The following GDF7 variants were observed in gnomAD, a reference collection of about 807,000 sequenced individuals.
GDF7 encodes growth/differentiation factor 7.
In GDF7, 12 loss-of-function variants were observed where a neutral mutation model predicts 13.4. That is an observed-to-expected ratio of 0.90 (90% CI 0.57 to 1.45). The LOEUF is 1.45. Ranked by LOEUF, GDF7 falls within the 40% of genes most tolerant of loss-of-function variation. The pLI is 0.00. For synonymous variants in GDF7, 330 were observed against 306.4 expected (o/e 1.08, Z -0.80); for missense variants, 651 against 652.4 (o/e 1.00, Z 0.02).
At position 20,671,134 on chromosome 2, in the gene GDF7, G is replaced by T; in HGVS notation, c.1062G>T (p.Leu354Phe). The T allele has an allele frequency of 1.9e-6, 3 of 1,611,682 alleles. No homozygotes were observed. Among genetic ancestry groups the T allele is most frequent in the Non-Finnish European group, 1.7e-6 (2 of 1,179,244 alleles). ...GGAGCCGCTGCAGCCGCAAGCCGTT[G>T]CACGTGGACTTCAAGGAGCTCGGCT... ...RGRSRCSRKPLHVDFKELGWD... is the reference protein window; with the variant it reads ...RGRSRCSRKPFHVDFKELGWD... The change falls in exon 2 of 2, where the codon TTG (leucine) becomes TTT (phenylalanine). Residue 354 changes from leucine (L) to phenylalanine (F), a missense_variant. This residue lies in a region of GDF7 where 101 missense variants were observed against 139.2 expected (regional missense o/e 0.73). Transcript: ENST00000272224.
chr2:20,667,299 C>T lies in GDF7; in HGVS notation c.60C>T (p.Arg20=), dbSNP rs1413728712. Residue 20 remains arginine (R), a synonymous_variant, in exon 1 of 2, where the codon CGC becomes CGT. Coordinates refer to ENST00000272224, the MANE Select transcript of GDF7 (RefSeq NM_182828.4). The surrounding 1 kb of genome is among the most constrained non-coding windows in gnomAD (Gnocchi z 6.4). The stretch of plus-strand genomic sequence containing the variant: ...GGCTGCTGAGCGCCTGCCGCCCCCG[C>T]GACGGGCTGGAAGCGGCCGCCGTGC... The part of the protein sequence containing the change: ...CLWLLSACRP[R]DGLEAAAVLR... 1 of 1,189,544 alleles carries T rather than the reference C, an allele frequency of 8.4e-7. No individual in the cohort carries two copies. Among genetic ancestry groups the T allele is most frequent in the Admixed American group, 3.8e-5 (1 of 26,056 alleles). 73.7% of individuals were successfully genotyped at this position (1,189,544 alleles called of 1,614,324 possible).
In GDF7 at chr2:20,674,020, C is replaced by G. The variant is rs1403671727; in HGVS notation, c.*2595C>G. Reference sequence around the variant, plus strand: ...TCCATTTCACTTGTAAAAATGACAACAAAGGGCCAACACATGTGGGGCAGA... The same window carrying G: ...TCCATTTCACTTGTAAAAATGACAAGAAAGGGCCAACACATGTGGGGCAGA... On this transcript the variant is annotated 3_prime_UTR_variant, in exon 2 of 2. Transcript: ENST00000272224. 6.6e-6 allele frequency: 1 copy of G among 152,266 alleles called. No homozygotes were observed. The highest frequency in any genetic ancestry group is 1.5e-5 in the Non-Finnish European group (1 of 68,064). 9.4% of individuals were successfully genotyped at this position (152,266 alleles called of 1,614,324 possible). A position where few individuals can be genotyped will look rare whatever the true frequency, so the allele number is the denominator to read the frequency against.
rs1662138262 is a variant in GDF7 at position 20,672,127 on chromosome 2, C to CCTTTTT, written c.*702_*703insCTTTTT. The CCTTTTT allele has an allele frequency of 8.9e-6, 1 of 112,448 alleles. No homozygotes were observed. The highest frequency in any genetic ancestry group is 3.5e-5 in the African/African-American group (1 of 28,188). 7.0% of individuals were successfully genotyped at this position (112,448 alleles called of 1,614,324 possible). A position where few individuals can be genotyped will look rare whatever the true frequency, so the allele number is the denominator to read the frequency against. On this transcript the variant is annotated 3_prime_UTR_variant, in exon 2 of 2. Transcript: ENST00000272224. ...CCGCCACCCCCCCCCCCCCCCCCGC[C>CCTTTTT]TTTTTTTTTTTTTTTTTTAATCAAT...
chr2:20,673,812 T>TG lies in GDF7; in HGVS notation c.*2390dup, dbSNP rs1251154142. 3 of 152,214 alleles carry TG rather than the reference T, an allele frequency of 2.0e-5. No homozygotes were observed. The highest frequency in any genetic ancestry group is 4.4e-5 in the Non-Finnish European group (3 of 68,066). 9.4% of individuals were successfully genotyped at this position (152,214 alleles called of 1,614,324 possible). A position where few individuals can be genotyped will look rare whatever the true frequency, so the allele number is the denominator to read the frequency against. Reference sequence around the variant, plus strand: ...CATCTTGAGTTCAGGTGGCACCCGGTGGGAGGGGTGTTGTCCTTGGACAGT... The same window carrying TG: ...CATCTTGAGTTCAGGTGGCACCCGGTGGGGAGGGGTGTTGTCCTTGGACAGT... On this transcript the variant is annotated 3_prime_UTR_variant, in exon 2 of 2. Coordinates refer to ENST00000272224, the MANE Select transcript of GDF7 (RefSeq NM_182828.4).
Position 20,676,314 on chromosome 2 carries a change from G to C in GDF7, c.*4889G>C, listed in dbSNP as rs1662221087. The stretch of plus-strand genomic sequence containing the variant: ...AAGTTAACATAAAGAAGCACCAGAA[G>C]GGAGGACCCAAAAAGATGTTTATTT... On this transcript the variant is annotated 3_prime_UTR_variant, in exon 2 of 2. Transcript: ENST00000272224. 6.6e-6 allele frequency: 1 copy of C among 152,254 alleles called. No individual in the cohort carries two copies. Among genetic ancestry groups the C allele is most frequent in the South Asian group, 2.1e-4 (1 of 4,834 alleles). 9.4% of individuals were successfully genotyped at this position (152,254 alleles called of 1,614,324 possible). A position where few individuals can be genotyped will look rare whatever the true frequency, so the allele number is the denominator to read the frequency against.
Position 20,672,089 on chromosome 2 carries a change from G to A in GDF7, c.*664G>A, listed in dbSNP as rs1662135649. ...CTGTTGTGGAGCTTCCCAGATTTCT[G>A]CAAAGGTCGGTACCGCCACCCCCCC... is the stretch of plus-strand genomic sequence containing the variant. On this transcript the variant is annotated 3_prime_UTR_variant, in exon 2 of 2. Transcript: ENST00000272224. 7.3e-6 allele frequency: 1 copy of A among 137,074 alleles called. No homozygotes were observed. Among genetic ancestry groups the A allele is most frequent in the Non-Finnish European group, 1.5e-5 (1 of 66,008 alleles). The allele number at this position is 137,074 out of a possible 1,614,324, so 8.5% of individuals were successfully genotyped here.
In GDF7 at chr2:20,677,752, C is replaced by T. The variant is rs1662256306; in HGVS notation, c.*6327C>T. 1 of 152,250 alleles carries T rather than the reference C, an allele frequency of 6.6e-6. No homozygotes were observed. Among genetic ancestry groups the T allele is most frequent in the African/African-American group, 2.4e-5 (1 of 41,458 alleles). The allele number at this position is 152,250 out of a possible 1,614,324, so 9.4% of individuals were successfully genotyped here. A position where few individuals can be genotyped will look rare whatever the true frequency, so the allele number is the denominator to read the frequency against. ...GGTGAGCTGGTGCAACTGCACACACCTTTTCTCTGGTTTTTAGTACTCACA... is the reference window on the plus strand; with the variant it reads ...GGTGAGCTGGTGCAACTGCACACACTTTTTCTCTGGTTTTTAGTACTCACA... On this transcript the variant is annotated 3_prime_UTR_variant, in exon 2 of 2. Transcript: ENST00000272224.
rs189473354 is a variant in GDF7, at chr2:20,672,404, A to G, written c.*979A>G. On this transcript the variant is annotated 3_prime_UTR_variant, in exon 2 of 2. Transcript: ENST00000272224. ...GACCTGCCAGGAGGTTTTCCTAAGAAGCCAGGGAAGAGGCTCTCAGGGCTT... is the reference window on the plus strand; with the variant it reads ...GACCTGCCAGGAGGTTTTCCTAAGAGGCCAGGGAAGAGGCTCTCAGGGCTT... The G allele has an allele frequency of 6.6e-6, 1 of 152,178 alleles. No individual in the cohort carries two copies. Among genetic ancestry groups the G allele is most frequent in the Admixed American group, 6.5e-5 (1 of 15,278 alleles). 9.4% of individuals were successfully genotyped at this position (152,178 alleles called of 1,614,324 possible).
At position 20,667,623 on chromosome 2, in the gene GDF7, G is replaced by C; in HGVS notation, c.384G>C (p.Ala128=). The C allele has an allele frequency of 6.7e-7, 1 of 1,497,218 alleles. No homozygotes were observed. The highest frequency in any genetic ancestry group is 8.9e-7 in the Non-Finnish European group (1 of 1,129,378). The allele number at this position is 1,497,218 out of a possible 1,614,324, so 92.7% of individuals were successfully genotyped here. A position where few individuals can be genotyped will look rare whatever the true frequency, so the allele number is the denominator to read the frequency against. The part of the protein sequence containing the change: ...ADTITGFTDQ[A]TQDESAAETG... ...CGATCACCGGCTTCACAGACCAGGC[G>C]ACCCAAGGTACTTACGCCTCTTCTG... is the stretch of plus-strand genomic sequence containing the variant. The change falls in exon 1 of 2, where the codon GCG becomes GCC. Residue 128 remains alanine, a synonymous_variant. Coordinates refer to ENST00000272224, the MANE Select transcript of GDF7 (RefSeq NM_182828.4). This position sits in a 1 kb window ranked among gnomAD's most constrained non-coding sequence, Gnocchi z 6.4.
intron 1 of GDF7, among the ~76,000 whole-genome samples, chr2:20,668,573 G>A (rs1463396674): frequency 6.6e-6 from 1 of 152,234 alleles, no homozygotes; most frequent in East Asian, 1.9e-4. Flanking sequence ...ATGGAGGGCA[G>A]GAGGGAAAGA....
rs764216230 is a variant in GDF7, at chr2:20,670,632, G to T, written c.560G>T (p.Gly187Val). 5.1e-6 allele frequency: 8 copies of T among 1,565,300 alleles called. No homozygotes were observed. The highest frequency in any genetic ancestry group is 6.9e-6 in the Non-Finnish European group (8 of 1,159,080). ...TTGCTGCTGCTGTCCACGTGCCCGG[G>T]CGCCGCCCGAGCGCCACGCCTGCTG... The part of the protein sequence containing the change: ...PPLLLLSTCP[G>V]AARAPRLLYS... The change falls in exon 2 of 2, where the codon GGC (glycine) becomes GTC (valine). Residue 187 changes from glycine (G) to valine (V), a missense_variant. Around this residue, in one of 4 missense-constraint regions of GDF7, gnomAD observed 487 missense variants for 445.9 expected, o/e 1.09. Transcript: ENST00000272224.
In GDF7 at chr2:20,671,594, C is replaced by A; in HGVS notation, c.*169C>A. 1.5e-6 allele frequency: 1 copy of A among 663,478 alleles called. No individual in the cohort carries two copies. The highest frequency in any genetic ancestry group is 2.5e-6 in the Non-Finnish European group (1 of 395,044). The allele number at this position is 663,478 out of a possible 1,614,324, so 41.1% of individuals were successfully genotyped here. A position where few individuals can be genotyped will look rare whatever the true frequency, so the allele number is the denominator to read the frequency against. ...ACACACACTCGTGCAGTCACGCACA[C>A]ATTTACCGGGGACAGCATGTGAAAG... is the stretch of plus-strand genomic sequence containing the variant. On this transcript the variant is annotated 3_prime_UTR_variant, in exon 2 of 2. Coordinates refer to ENST00000272224, the MANE Select transcript of GDF7 (RefSeq NM_182828.4).
In GDF7 at chr2:20,670,999, G is replaced by A. The variant is rs778838756; in HGVS notation, c.927G>A (p.Ser309=). 6 of 1,549,478 alleles carry A rather than the reference G, an allele frequency of 3.9e-6. No individual in the cohort carries two copies. The highest frequency in any genetic ancestry group is 5.0e-5 in the East Asian group (2 of 39,924). Residue 309 remains serine, a synonymous_variant, in exon 2 of 2, where the codon TCG becomes TCA. Coordinates refer to ENST00000272224, the MANE Select transcript of GDF7 (RefSeq NM_182828.4). ...PLPDPGTGTA[S]PRAVIGGRRR... ...CCGACCCAGGAACCGGCACCGCGTC[G>A]CCAAGGGCAGTCATTGGCGGCCGCA...
In GDF7 at chr2:20,677,827, T is replaced by C. The variant is rs1662258016; in HGVS notation, c.*6402T>C. ...GGGCTATGGGCAGCCCATGCCTGGA[T>C]TTTTTGGTGAATGAGTCTGAAAAGC... On this transcript the variant is annotated 3_prime_UTR_variant, in exon 2 of 2. Transcript: ENST00000272224. 2 of 152,272 alleles carry C rather than the reference T, an allele frequency of 1.3e-5. No individual in the cohort carries two copies. Among genetic ancestry groups the C allele is most frequent in the Non-Finnish European group, 2.9e-5 (2 of 68,080 alleles). 9.4% of individuals were successfully genotyped at this position (152,272 alleles called of 1,614,324 possible). A position where few individuals can be genotyped will look rare whatever the true frequency, so the allele number is the denominator to read the frequency against.
In GDF7 at chr2:20,675,515, C is replaced by A. The variant is rs1186909140; in HGVS notation, c.*4090C>A. Reference sequence around the variant, plus strand: ...GGACTGCGCCCGCCAGGGGAGGCCGCTCAGGGGCCAGGGCACCACAAGGCG... The same window carrying A: ...GGACTGCGCCCGCCAGGGGAGGCCGATCAGGGGCCAGGGCACCACAAGGCG... On this transcript the variant is annotated 3_prime_UTR_variant, in exon 2 of 2. Coordinates refer to ENST00000272224, the MANE Select transcript of GDF7 (RefSeq NM_182828.4). 3 of 152,226 alleles carry A rather than the reference C, an allele frequency of 2.0e-5. No individual in the cohort carries two copies. The highest frequency in any genetic ancestry group is 7.2e-5 in the African/African-American group (3 of 41,450). The allele number at this position is 152,226 out of a possible 1,614,324, so 9.4% of individuals were successfully genotyped here.
chr2:20,672,959 G>T lies in GDF7; in HGVS notation c.*1534G>T, dbSNP rs1482932351. ...TGGACTCCAGCTGTCCGGGGTGGGGGCTTCTTAGAACAGCCCCGCAGCCCT... is the reference window on the plus strand; with the variant it reads ...TGGACTCCAGCTGTCCGGGGTGGGGTCTTCTTAGAACAGCCCCGCAGCCCT... On this transcript the variant is annotated 3_prime_UTR_variant, in exon 2 of 2. Coordinates refer to ENST00000272224, the MANE Select transcript of GDF7 (RefSeq NM_182828.4). 6.6e-6 allele frequency: 1 copy of T among 152,146 alleles called. No homozygotes were observed. Among genetic ancestry groups the T allele is most frequent in the African/African-American group, 2.4e-5 (1 of 41,428 alleles). The allele number at this position is 152,146 out of a possible 1,614,324, so 9.4% of individuals were successfully genotyped here.
At position 20,671,053 on chromosome 2, in the gene GDF7, G is replaced by A; in HGVS notation, c.981G>A (p.Thr327=). The A allele has an allele frequency of 6.7e-7, 1 of 1,503,016 alleles. No individual in the cohort carries two copies. The allele number at this position is 1,503,016 out of a possible 1,614,324, so 93.1% of individuals were successfully genotyped here. A position where few individuals can be genotyped will look rare whatever the true frequency, so the allele number is the denominator to read the frequency against. ...GGAGGAGGACGGCGTTGGCCGGGACGCGGACAGCGCAGGGCAGCGGCGGGG... is the reference window on the plus strand; with the variant it reads ...GGAGGAGGACGGCGTTGGCCGGGACACGGACAGCGCAGGGCAGCGGCGGGG... ...RRRRRTALAG[T]RTAQGSGGGA... is the part of the protein sequence containing the mutation. Residue 327 remains threonine, a synonymous_variant, in exon 2 of 2, where the codon ACG becomes ACA. Coordinates refer to ENST00000272224, the MANE Select transcript of GDF7 (RefSeq NM_182828.4).
At position 20,670,471 on chromosome 2, in the gene GDF7, G is replaced by T. The variant is rs1013055882; in HGVS notation, c.399G>T (p.Ser133=). The change falls in exon 2 of 2, where the codon TCG becomes TCT. Residue 133 remains serine, a synonymous_variant. Transcript: ENST00000272224. ...GFTDQATQDE[S]AAETGQSFLF... Reference sequence around the variant, plus strand: ...CCTGCCGGTCCCCCGCAGACGAATCGGCAGCCGAAACAGGCCAGAGCTTCC... The same window carrying T: ...CCTGCCGGTCCCCCGCAGACGAATCTGCAGCCGAAACAGGCCAGAGCTTCC... 5 of 1,536,994 alleles carry T rather than the reference G, an allele frequency of 3.3e-6. No individual in the cohort carries two copies. The highest frequency in any genetic ancestry group is 4.4e-6 in the Non-Finnish European group (5 of 1,140,560).
chr2:20,667,538 C>G lies in GDF7; in HGVS notation c.299C>G (p.Ala100Gly). 1 of 1,454,370 alleles carries G rather than the reference C, an allele frequency of 6.9e-7. No homozygotes were observed. Among genetic ancestry groups the G allele is most frequent in the Non-Finnish European group, 9.0e-7 (1 of 1,109,240 alleles). The allele number at this position is 1,454,370 out of a possible 1,614,324, so 90.1% of individuals were successfully genotyped here. Residue 100 changes from alanine (A) to glycine (G), a missense_variant, in exon 1 of 2, where the codon GCC becomes GGC. Physicochemically the swap from Ala to Gly is moderately conservative, Grantham distance 60. Around this residue, in one of 4 missense-constraint regions of GDF7, gnomAD observed 487 missense variants for 445.9 expected, o/e 1.09. Coordinates refer to ENST00000272224, the MANE Select transcript of GDF7 (RefSeq NM_182828.4). This position sits in a 1 kb window ranked among gnomAD's most constrained non-coding sequence, Gnocchi z 6.4. ...HFMMSLYRSL[A>G]GRAPAGAAAV... ...ATGATGTCGCTTTACCGGAGCCTGG[C>G]CGGGAGGGCTCCGGCCGGGGCAGCC...
Sources: gnomAD v4.1 joint callset for allele counts (sites outside exome capture counted in the v4.1 genomes callset) on GRCh38, gnomAD v4.1.1 for gene constraint, gnomAD v4.1.1 regional missense constraint, Gnocchi (gnomAD v3.1) non-coding constraint, MANE v1.5 for transcripts, NCBI Gene and HGNC (gene_info 2026-07-23, HGNC 2026-07-21) for gene names.